Variants in LPCAT2 observed in about 807,000 individuals in gnomAD.
LPCAT2 encodes the protein lysophosphatidylcholine acyltransferase 2.
In LPCAT2, 58 loss-of-function variants were observed where a neutral mutation model predicts 64.7. The observed-to-expected ratio is 0.90, with a 90% CI of 0.73 to 1.12. The LOEUF (loss-of-function observed/expected upper bound fraction) is 1.12, where lower values mean the gene tolerates loss of function less well. Ranked by LOEUF, LPCAT2 falls within the 50% of genes most tolerant of loss-of-function variation. LPCAT2 has a pLI of 0.00. For missense variants in LPCAT2, 579 were observed against 669.8 expected (o/e 0.86, Z 1.50); for synonymous variants, 252 against 245.3 (o/e 1.03, Z -0.26).
chr16:55,544,515 TG>T (rs1963431813), intron 8 of LPCAT2, among the ~76,000 whole-genome samples: 1 of 152,138 alleles, frequency 6.6e-6, no homozygotes, highest in Admixed American at 6.6e-5. Context: ...GCACCTACTA[TG>T]GGGGAAAAAT....
At chr16:55,541,943 A>G in intron 8 of LPCAT2, 1 of 1,263,620 alleles carries the variant, frequency 7.9e-7, no homozygotes, top group Non-Finnish European at 1.0e-6. Context: ...TACACAAAGA[A>G]CTAGAACTGC....
At chr16:55,566,677 G>A (rs1459980867) in intron 11 of LPCAT2, 3 of 1,464,528 alleles carry the variant, frequency 2.0e-6, no homozygotes, top group Non-Finnish European at 2.7e-6. Flanking sequence ...TCTTCCACAT[G>A]TAAACTACTT....
intron 11 of LPCAT2, among the ~76,000 whole-genome samples, chr16:55,571,240 G>A (rs1476413920): frequency 1.3e-5 from 2 of 152,154 alleles, no homozygotes; most frequent in African/African-American, 2.4e-5. Flanking sequence ...TCAGACACAT[G>A]AGAATCACCA....
At chr16:55,519,951 T>A (rs1963072170) in intron 1 of LPCAT2, among the ~76,000 whole-genome samples, 1 of 151,974 alleles carries the variant, frequency 6.6e-6, no homozygotes, top group Non-Finnish European at 1.5e-5. Flanking sequence ...AAGAAAAATT[T>A]CATGAACTCA....
At chr16:55,538,649 A>G (rs943959831) in intron 8 of LPCAT2, 1 of 136,308 alleles carries the variant, frequency 7.3e-6, no homozygotes, top group African/African-American at 2.7e-5. Flanking sequence ...CCCCACTTTT[A>G]AAACCAGTTC....
At chr16:55,580,157 T>C (rs1963873179) in intron 13 of LPCAT2, among the ~76,000 whole-genome samples, 1 of 152,190 alleles carries the variant, frequency 6.6e-6, no homozygotes, top group African/African-American at 2.4e-5. Context: ...TTAACTTTCA[T>C]GGGATGGGAA....
At chr16:55,574,196 C>T (rs763868630) in intron 11 of LPCAT2, among the ~76,000 whole-genome samples, 10 of 152,176 alleles carry the variant, frequency 6.6e-5, no homozygotes, top group Non-Finnish European at 1.0e-4. Flanking sequence ...TTTCATTTTC[C>T]ACATGTGGAA....
At position 55,509,272 on chromosome 16, in the gene LPCAT2, C is replaced by A; in HGVS notation, c.91C>A (p.Arg31Ser). ...NVGLRPPMVP[R>S]QASFFPPPVP... ...GGGGCTGCGGCCGCCCATGGTGCCC[C>A]GTCAGGCGTCCTTCTTCCCGCCGCC... is the stretch of plus-strand genomic sequence containing the variant. The change falls in exon 1 of 14, where the codon CGT becomes AGT. Residue 31 changes from arginine (R) to serine (S), a missense_variant. Physicochemically the swap from Arg to Ser is moderately radical, Grantham distance 110. Coordinates refer to ENST00000262134, the MANE Select transcript of LPCAT2 (RefSeq NM_017839.5). 3 of 1,510,470 alleles carry A rather than the reference C, an allele frequency of 2.0e-6. No homozygotes were observed. Among genetic ancestry groups the A allele is most frequent in the Non-Finnish European group, 2.7e-6 (3 of 1,122,194 alleles). The allele number at this position is 1,510,470 out of a possible 1,614,324, so 93.6% of individuals were successfully genotyped here. A position where few individuals can be genotyped will look rare whatever the true frequency, so the allele number is the denominator to read the frequency against.
At chr16:55,511,035 T>C (rs1962924849) in intron 1 of LPCAT2, among the ~76,000 whole-genome samples, 1 of 152,210 alleles carries the variant, frequency 6.6e-6, no homozygotes, top group Non-Finnish European at 1.5e-5. Flanking sequence ...TTATAGGAAC[T>C]GGTCATTTAT....
intron 1 of LPCAT2, among the ~76,000 whole-genome samples, chr16:55,509,707 T>A (rs1318421530): frequency 6.6e-6 from 1 of 151,822 alleles, no homozygotes; most frequent in Non-Finnish European, 1.5e-5. Flanking sequence ...GGAGAGGACT[T>A]CTGAGGGGCC....
At chr16:55,570,329 C>T (rs1350892508) in intron 11 of LPCAT2, among the ~76,000 whole-genome samples, 1 of 152,086 alleles carries the variant, frequency 6.6e-6, no homozygotes, top group African/African-American at 2.4e-5. Flanking sequence ...AGTCAGAAAT[C>T]TTATCAGTAC....
In LPCAT2 at chr16:55,547,335, C is replaced by T. The variant is rs1317541264; in HGVS notation, c.935+1518C>T. On this transcript the variant is annotated intron_variant, in intron 9 of 13. Coordinates refer to ENST00000262134, the MANE Select transcript of LPCAT2 (RefSeq NM_017839.5). Reference sequence around the variant, plus strand: ...AGCTGCACAACTTTGGACAAGTCTCCTCCAAATCCCCTTCTCCTCACATGT... The same window carrying T: ...AGCTGCACAACTTTGGACAAGTCTCTTCCAAATCCCCTTCTCCTCACATGT... 2.8e-4 allele frequency among the ~76,000 whole-genome samples: 42 copies of T among 152,276 alleles called. 1 individual carries two copies. The highest frequency in any genetic ancestry group is 1.5e-4 in the Non-Finnish European group (10 of 68,032).
intron 1 of LPCAT2, among the ~76,000 whole-genome samples, chr16:55,513,370 TAGA>T (rs1249746117): frequency 6.6e-6 from 1 of 152,142 alleles, no homozygotes; most frequent in African/African-American, 2.4e-5. Context: ...TTGAAGATGG[TAGA>T]AGAAGGTGTT....
chr16:55,566,242 T>G (rs1451897167), intron 11 of LPCAT2, among the ~76,000 whole-genome samples: 3 of 152,210 alleles, frequency 2.0e-5, no homozygotes, highest in Non-Finnish European at 4.4e-5. Flanking sequence ...AAATTTTTCT[T>G]AAGACTACTG....
At chr16:55,550,786 A>G (rs946791255) in intron 10 of LPCAT2, among the ~76,000 whole-genome samples, 163 bp from the exon 11 acceptor site, 1 of 152,214 alleles carries the variant, frequency 6.6e-6, no homozygotes, top group African/African-American at 2.4e-5. Context: ...ATGCCTGCAT[A>G]TATGTTGAAT....
At chr16:55,578,402 C>G (rs1963851848) in intron 12 of LPCAT2, among the ~76,000 whole-genome samples, 2 of 152,172 alleles carry the variant, frequency 1.3e-5, no homozygotes, top group Non-Finnish European at 2.9e-5. Flanking sequence ...ATGTAATCAG[C>G]TTTCACCCAG....
At chr16:55,519,403 G>A (rs1316001709) in intron 1 of LPCAT2, among the ~76,000 whole-genome samples, 1 of 151,722 alleles carries the variant, frequency 6.6e-6, no homozygotes, top group African/African-American at 2.4e-5. Flanking sequence ...CAGCTACTTG[G>A]GAGGCTGGGG....
At chr16:55,569,965 C>T (rs2142416493) in intron 11 of LPCAT2, among the ~76,000 whole-genome samples, 1 of 152,164 alleles carries the variant, frequency 6.6e-6, no homozygotes, top group East Asian at 1.9e-4. Flanking sequence ...TATTTATAGC[C>T]TAAGATTTAT....
At chr16:55,548,594 C>T (rs1255619870) in intron 9 of LPCAT2, among the ~76,000 whole-genome samples, 6 of 152,172 alleles carry the variant, frequency 3.9e-5, no homozygotes, top group East Asian at 1.9e-4. Context: ...GCAGTCTCAG[C>T]TCACTGCAAC....
Sources: gnomAD v4.1 joint callset for allele counts (sites outside exome capture counted in the v4.1 genomes callset) on GRCh38, gnomAD v4.1.1 for gene constraint, MANE v1.5 for transcripts, NCBI Gene and HGNC (gene_info 2026-07-23, HGNC 2026-07-21) for gene names.